The following RNF182 variants were observed in gnomAD, a reference collection of about 807,000 sequenced individuals.
RNF182 encodes the protein E3 ubiquitin-protein ligase RNF182.
RNF182 carries 15 observed loss-of-function variants against 14.4 expected under a neutral mutation model. The observed-to-expected ratio is 1.04, with a 90% CI of 0.70 to 1.60. The LOEUF (loss-of-function observed/expected upper bound fraction) is 1.60. Among genes scored for constraint, RNF182 ranks in the 40% most tolerant of loss-of-function variants. RNF182 has a pLI of 0.00. For missense variants in RNF182, 268 were observed against 294.8 expected (o/e 0.91, Z 0.67); for synonymous variants, 128 against 122.9 (o/e 1.04, Z -0.27).
Position 13,925,282 on chromosome 6 carries a change from C to T in RNF182, c.-367+259C>T, listed in dbSNP as rs540756757. The T allele has an allele frequency of 6.5e-4, 98 of 151,898 alleles. 1 individual carries two copies. The South Asian group carries it at 0.02, about 31-fold the overall frequency. 9.4% of individuals were successfully genotyped at this position (151,898 alleles called of 1,614,324 possible). On this transcript the variant is annotated intron_variant, in intron 1 of 2. Transcript: ENST00000488300. ...GGCGGCTGCGGAGCGCCCGCGCGGGCTGCACCTGCTCAGGGAGCTGCCCCT... is the reference window on the plus strand; with the variant it reads ...GGCGGCTGCGGAGCGCCCGCGCGGGTTGCACCTGCTCAGGGAGCTGCCCCT...
At chr6:13,959,327 CAG>C (rs1759808515) in intron 1 of RNF182, among the ~76,000 whole-genome samples, 1 of 152,164 alleles carries the variant, frequency 6.6e-6, no homozygotes, top group Non-Finnish European at 1.5e-5. Flanking sequence ...AAGTTCAAGA[CAG>C]GGTTGGAGGG....
chr6:13,965,506 A>G (rs1760001350), intron 1 of RNF182, among the ~76,000 whole-genome samples: 2 of 152,196 alleles, frequency 1.3e-5, no homozygotes, highest in African/African-American at 4.8e-5. Flanking sequence ...ATGAAAAAAG[A>G]CACTCTGGAT....
chr6:13,975,077 G>C (rs1211947412), intron 2 of RNF182, among the ~76,000 whole-genome samples: 2 of 152,202 alleles, frequency 1.3e-5, no homozygotes, highest in Non-Finnish European at 2.9e-5. Flanking sequence ...GTGCTCAGCA[G>C]GGAATGAATG....
At chr6:13,953,234 A>G (rs564855582) in intron 1 of RNF182, among the ~76,000 whole-genome samples, 1 of 152,360 alleles carries the variant, frequency 6.6e-6, no homozygotes, top group African/African-American at 2.4e-5. Context: ...CCCCTAGGCA[A>G]GAAGGAGTCA....
At chr6:13,950,842 G>C (rs1210126723) in intron 1 of RNF182, among the ~76,000 whole-genome samples, 1 of 151,846 alleles carries the variant, frequency 6.6e-6, no homozygotes, top group African/African-American at 2.4e-5. Flanking sequence ...TGTCACCTAG[G>C]CTGGAGTGCA....
chr6:13,950,606 C>T (rs927588057), intron 1 of RNF182, among the ~76,000 whole-genome samples: 2 of 150,002 alleles, frequency 1.3e-5, no homozygotes, highest in African/African-American at 2.4e-5. Flanking sequence ...CAACAATTCT[C>T]GTGCCTCAAC....
intron 1 of RNF182, among the ~76,000 whole-genome samples, chr6:13,952,310 C>T (rs1205135849): frequency 6.6e-6 from 1 of 152,128 alleles, no homozygotes; most frequent in African/African-American, 2.4e-5. Flanking sequence ...GAGAAAGCTC[C>T]TCATTGTCCC....
rs1239222380 is a variant in RNF182, at chr6:13,974,317, CT to C, written c.-256del. ...TCTTAGAGGCAGGACTTGATGAAGG[CT>C]TTCCTGCTGATGGAATAGGTTTGCT... is the stretch of plus-strand genomic sequence containing the variant. On this transcript the variant is annotated 5_prime_UTR_variant, in exon 2 of 3. It introduces an in-frame stop codon into an upstream open reading frame of the 5' UTR. Transcript: ENST00000488300. 4 of 152,082 alleles carry C rather than the reference CT, an allele frequency of 2.6e-5. No individual in the cohort carries two copies. Among genetic ancestry groups the C allele is most frequent in the Admixed American group, 1.3e-4 (2 of 15,254 alleles). The allele number at this position is 152,082 out of a possible 1,614,324, so 9.4% of individuals were successfully genotyped here.
chr6:13,949,309 T>G, intron 1 of RNF182: 3 of 776,086 alleles, frequency 3.9e-6, no homozygotes, highest in Non-Finnish European at 7.2e-6. Context: ...CATGTGGGCA[T>G]CCTGCGGTAA....
At chr6:13,966,879 C>T (rs1760046741) in intron 1 of RNF182, among the ~76,000 whole-genome samples, 2 of 151,004 alleles carry the variant, frequency 1.3e-5, no homozygotes, top group Admixed American at 1.3e-4. Flanking sequence ...CTCTGTTGCC[C>T]AGGCTGGAGT....
intron 1 of RNF182, among the ~76,000 whole-genome samples, chr6:13,947,015 A>G (rs895446691): frequency 4.0e-5 from 6 of 151,878 alleles, no homozygotes; most frequent in Non-Finnish European, 2.9e-5. Flanking sequence ...TACAACAGCA[A>G]TATATTCTAC....
At chr6:13,964,169 T>C (rs1056093470) in intron 1 of RNF182, among the ~76,000 whole-genome samples, 7 of 152,106 alleles carry the variant, frequency 4.6e-5, no homozygotes, top group African/African-American at 1.7e-4. Context: ...AGGCATTATT[T>C]AGGAAAGATA....
intron 1 of RNF182, among the ~76,000 whole-genome samples, chr6:13,928,834 A>T (rs1031720416): frequency 2.0e-5 from 3 of 149,198 alleles, no homozygotes; most frequent in African/African-American, 7.3e-5. Flanking sequence ...GTCTGCTGGC[A>T]TAGTGGCCAA....
At chr6:13,968,284 C>T (rs193065304) in intron 1 of RNF182, among the ~76,000 whole-genome samples, 17 of 152,132 alleles carry the variant, frequency 1.1e-4, no homozygotes, top group Admixed American at 2.6e-4. Context: ...ACAGAATTTG[C>T]GGAACTCTAC....
chr6:13,930,321 G>T lies in RNF182; in HGVS notation c.-367+5298G>T, dbSNP rs1484804426. 2.6e-5 allele frequency among the ~76,000 whole-genome samples: 4 copies of T among 152,180 alleles called. No homozygotes were observed. The East Asian group carries it at 7.7e-4, about 29-fold the overall frequency. On this transcript the variant is annotated intron_variant, in intron 1 of 2. Coordinates refer to ENST00000488300, the MANE Select transcript of RNF182 (RefSeq NM_152737.4). The stretch of plus-strand genomic sequence containing the variant: ...ATCCTCAGATTTTGGTATCCTTGGG[G>T]GTCCTGGAGCCAGCCCCCCTGCAGA...
intron 1 of RNF182, among the ~76,000 whole-genome samples, chr6:13,952,275 C>G (rs1452112805): frequency 1.3e-5 from 2 of 152,168 alleles, no homozygotes; most frequent in Non-Finnish European, 2.9e-5. Context: ...AGGCCGTCAG[C>G]TCTCACATTT....
At chr6:13,926,463 A>G (rs938098013) in intron 1 of RNF182, among the ~76,000 whole-genome samples, 9 of 152,232 alleles carry the variant, frequency 5.9e-5, no homozygotes, top group African/African-American at 2.2e-4. Flanking sequence ...CTTCATTAGA[A>G]GATTGTATTG....
At chr6:13,968,322 A>G (rs1396081648) in intron 1 of RNF182, among the ~76,000 whole-genome samples, 1 of 152,162 alleles carries the variant, frequency 6.6e-6, no homozygotes, top group Non-Finnish European at 1.5e-5. Flanking sequence ...CCCAGAAGAA[A>G]TGGATTTTTT....
intron 1 of RNF182, chr6:13,949,148 G>A: frequency 1.3e-6 from 1 of 786,274 alleles, no homozygotes; most frequent in Non-Finnish European, 2.3e-6. Flanking sequence ...GAATCTTATA[G>A]CCCCTGAATA....
Sources: allele counts gnomAD v4.1 joint callset (sites outside exome capture counted in the v4.1 genomes callset), GRCh38; gene constraint gnomAD v4.1.1; transcripts MANE v1.5; gene names NCBI Gene and HGNC (gene_info 2026-07-23, HGNC 2026-07-21).